The following SORBS2 variants were observed in gnomAD, a reference collection of about 807,000 sequenced individuals.
SORBS2 encodes sorbin and SH3 domain-containing protein 2.
SORBS2 carries 46 observed loss-of-function variants against 97.7 expected under a neutral mutation model. The ratio of observed to expected loss-of-function variants is 0.47; its 90% CI spans 0.37 to 0.60. The LOEUF (loss-of-function observed/expected upper bound fraction) is 0.60, where lower values mean the gene tolerates loss of function less well. Ranked by LOEUF, SORBS2 falls within the 20% of genes least tolerant of loss-of-function variation. The probability of loss-of-function intolerance (pLI) is 0.00; values close to 1 mark genes in which losing one functional copy is unlikely to be tolerated. For missense variants in SORBS2, 1,316 were observed against 1,282.3 expected, an observed-to-expected ratio of 1.03 and a Z score of -0.40; for synonymous variants, 476 against 473.4, an observed-to-expected ratio of 1.01 and a Z score of -0.07.
chr4:185,862,858 G>T (rs535094573), intron 1 of SORBS2, among the ~76,000 whole-genome samples: 78 of 152,248 alleles, frequency 5.1e-4, no homozygotes, highest in Middle Eastern at 3.4e-3. Flanking sequence ...CCTCTGGATT[G>T]GTGGTTAAGC....
chr4:185,748,707 G>T (rs1237262552), intron 2 of SORBS2, among the ~76,000 whole-genome samples: 1 of 152,188 alleles, frequency 6.6e-6, no homozygotes, highest in Non-Finnish European at 1.5e-5. Flanking sequence ...CATTCAATTA[G>T]ATTTTGTTAG....
At chr4:185,748,589 T>C (rs148558088) in intron 2 of SORBS2, among the ~76,000 whole-genome samples, 3 of 152,326 alleles carry the variant, frequency 2.0e-5, no homozygotes, top group African/African-American at 7.2e-5. Flanking sequence ...ACCTCAGCAC[T>C]GATGACGAGA....
At chr4:185,783,139 G>A (rs896064115) in intron 1 of SORBS2, among the ~76,000 whole-genome samples, 3 of 152,200 alleles carry the variant, frequency 2.0e-5, no homozygotes, top group African/African-American at 4.8e-5. Context: ...TGAAACTCAT[G>A]ACGGTGAAGG....
intron 1 of SORBS2, among the ~76,000 whole-genome samples, chr4:185,949,990 A>C (rs977055868): frequency 3.9e-5 from 6 of 152,212 alleles, no homozygotes; most frequent in African/African-American, 1.4e-4. Context: ...ACAGTGGCTC[A>C]CGGCCATAAT....
chr4:185,649,032 C>CA (rs1330125277), intron 3 of SORBS2, among the ~76,000 whole-genome samples: 4 of 152,130 alleles, frequency 2.6e-5, no homozygotes, highest in Non-Finnish European at 4.4e-5. Flanking sequence ...CTGGTAGAAA[C>CA]AAGTCACAGA....
intron 1 of SORBS2, among the ~76,000 whole-genome samples, chr4:185,932,009 T>C (rs2099266733): frequency 1.4e-5 from 2 of 146,100 alleles, no homozygotes; most frequent in Admixed American, 6.9e-5. Context: ...TCTCTATATA[T>C]ATATATATAG....
intron 3 of SORBS2, among the ~76,000 whole-genome samples, chr4:185,648,308 G>A (rs1209371186): frequency 6.6e-6 from 1 of 151,984 alleles, no homozygotes; most frequent in Non-Finnish European, 1.5e-5. Flanking sequence ...ACGAGGTCAG[G>A]AGTTAAGACC....
chr4:185,936,780 G>C, intron 1 of SORBS2, among the ~76,000 whole-genome samples: 1 of 152,226 alleles, frequency 6.6e-6, no homozygotes. Flanking sequence ...CTTTCCGTCT[G>C]CTTCTAAGAC....
rs1200094039 is a variant in SORBS2 at position 185,694,706 on chromosome 4, C to CTTTTTTTTTTTTTTT, written c.-197-15885_-197-15884insAAAAAAAAAAAAAAA. Among the ~76,000 whole-genome samples, 255 of 124,164 alleles carry CTTTTTTTTTTTTTTT rather than the reference C, an allele frequency of 2.1e-3. 30 individuals are homozygous for CTTTTTTTTTTTTTTT. Among genetic ancestry groups the CTTTTTTTTTTTTTTT allele is most frequent in the African/African-American group, 5.5e-3 (185 of 33,852 alleles). The allele number at this position is 124,164 out of a possible 152,430, so 81.5% of individuals were successfully genotyped here. A position where few individuals can be genotyped will look rare whatever the true frequency, so the allele number is the denominator to read the frequency against. On this transcript the variant is annotated intron_variant, in intron 2 of 20. Coordinates refer to the SORBS2 transcript ENST00000284776. ...TTTCTTTTTCTTTTTCCTTTTCTTT[C>CTTTTTTTTTTTTTTT]TTTTCTTTTCTTTTTTTTGAGACGG...
At chr4:185,615,074 C>G (rs776724973) in exon 10 of SORBS2, 1 of 1,613,798 alleles carries the variant, frequency 6.2e-7, no homozygotes, top group South Asian at 1.1e-5. Context: ...AAGATGCCCA[C>G]TCTCCCGTGG....
At chr4:185,787,824 C>T (rs1023424009) in intron 1 of SORBS2, among the ~76,000 whole-genome samples, 3 of 152,284 alleles carry the variant, frequency 2.0e-5, no homozygotes, top group African/African-American at 7.2e-5. Context: ...ACTTTCAGGA[C>T]GAGTGTTATA....
intron 2 of SORBS2, among the ~76,000 whole-genome samples, chr4:185,701,467 C>T (rs919594877): frequency 4.6e-5 from 7 of 152,208 alleles, no homozygotes; most frequent in Non-Finnish European, 5.9e-5. Context: ...CTGATACCTA[C>T]TGACTTCATT....
chr4:185,646,266 T>A (rs2153454374), intron 4 of SORBS2: 1 of 154,882 alleles, frequency 6.5e-6, no homozygotes, highest in Admixed American at 6.4e-5. Context: ...AATTAAGTAT[T>A]GCACTTATGA....
rs1275227386 is a variant in SORBS2 at position 185,635,354 on chromosome 4, C to T, written c.397-4756G>A. The T allele has an allele frequency of 3.7e-6, 6 of 1,608,976 alleles. No homozygotes were observed. The highest frequency in any genetic ancestry group is 4.5e-5 in the East Asian group (2 of 44,862). ...AAAAAGAGAGAATAACGTGTTTTTACCTCATTGAAAACACCAGAAGAATGA... is the reference window on the plus strand; with the variant it reads ...AAAAAGAGAGAATAACGTGTTTTTATCTCATTGAAAACACCAGAAGAATGA... On this transcript the variant is annotated intron_variant, in intron 4 of 14. Coordinates refer to ENST00000418609, the Ensembl canonical transcript of SORBS2.
At chr4:185,797,853 T>C (rs1331428982) in intron 1 of SORBS2, among the ~76,000 whole-genome samples, 2 of 152,222 alleles carry the variant, frequency 1.3e-5, no homozygotes, top group Non-Finnish European at 2.9e-5. Flanking sequence ...TCACACCATG[T>C]TCACCTGCAG....
At chr4:185,773,326 G>A (rs1584571831) in intron 2 of SORBS2, 1 of 152,320 alleles carries the variant, frequency 6.6e-6, no homozygotes, top group African/African-American at 2.4e-5. Flanking sequence ...ACATAAATGC[G>A]ATGATTGACA....
upstream of SORBS2, chr4:185,657,465 C>T (rs778612065): frequency 6.4e-6 from 10 of 1,564,834 alleles, no homozygotes; most frequent in East Asian, 2.4e-5. Context: ...TCCACGGGCC[C>T]GATCCCTGGG....
intron 1 of SORBS2, among the ~76,000 whole-genome samples, chr4:185,928,944 G>A (rs1183459784): frequency 3.3e-5 from 5 of 152,158 alleles, no homozygotes; most frequent in African/African-American, 1.2e-4. Flanking sequence ...AATAGAGGGC[G>A]TATGCCTTAC....
At position 185,874,819 on chromosome 4, in the gene SORBS2, C is replaced by T. The variant is rs565365063; in HGVS notation, c.-338+81377G>A. Reference sequence around the variant, plus strand: ...TAGGAACGAGGCCATTTATTTTATCCCAAAGTTAAAGCACTATTATTGGTT... The same window carrying T: ...TAGGAACGAGGCCATTTATTTTATCTCAAAGTTAAAGCACTATTATTGGTT... On this transcript the variant is annotated intron_variant, in intron 1 of 20. Transcript: ENST00000284776. Among the ~76,000 whole-genome samples, 7 of 142,952 alleles carry T rather than the reference C, an allele frequency of 4.9e-5. No homozygotes were observed. The East Asian group carries it at 1.5e-3, about 30-fold the overall frequency. The allele number at this position is 142,952 out of a possible 152,430, so 93.8% of individuals were successfully genotyped here.
Sources: gnomAD v4.1 joint callset for allele counts (sites outside exome capture counted in the v4.1 genomes callset) on GRCh38, gnomAD v4.1.1 for gene constraint, MANE v1.5 for transcripts, NCBI Gene and HGNC (gene_info 2026-07-23, HGNC 2026-07-21) for gene names.